SEPTIN8: variants seen among roughly 807,000 people sequenced by gnomAD.
The protein encoded by SEPTIN8 is septin 8.
SEPTIN8 carries 22 observed loss-of-function variants against 53.1 expected under a neutral mutation model. The observed-to-expected ratio is 0.41, with a 90% CI of 0.30 to 0.59. The LOEUF (loss-of-function observed/expected upper bound fraction) is 0.59. Among genes scored for constraint, SEPTIN8 ranks in the 20% least tolerant of loss-of-function variants. SEPTIN8 has a pLI of 0.24. For synonymous variants in SEPTIN8, 228 were observed against 248.4 expected, an observed-to-expected ratio of 0.92 and a Z score of 0.77; for missense variants, 536 against 638.7, an observed-to-expected ratio of 0.84 and a Z score of 1.73.
intron 5 of SEPTIN8, 31 bp downstream of exon 5, chr5:132,762,453 C>A (rs1311014795): frequency 6.2e-7 from 1 of 1,607,774 alleles, no homozygotes; most frequent in Admixed American, 1.7e-5. Context: ...CCTCTGGCCC[C>A]AGGGCCCTGA....
chr5:132,771,728 C>T lies in SEPTIN8; in HGVS notation c.30+5380G>A, dbSNP rs113027067. Among the ~76,000 whole-genome samples the T allele has an allele frequency of 3.3e-3, 508 of 152,280 alleles. 3 individuals carry two copies. Among genetic ancestry groups the T allele is most frequent in the Non-Finnish European group, 3.3e-3 (227 of 68,034 alleles). ...AGAGCAGAGGCCTCTAGCCAGAACCCGTGGTCGCGGTCATAAGCACAACTG... is the reference window on the plus strand; with the variant it reads ...AGAGCAGAGGCCTCTAGCCAGAACCTGTGGTCGCGGTCATAAGCACAACTG... On this transcript the variant is annotated intron_variant, in intron 1 of 9. Coordinates refer to ENST00000378719, the MANE Select transcript of SEPTIN8 (RefSeq NM_001098811.2).
intron 9 of SEPTIN8, chr5:132,757,439 T>C: frequency 1.0e-6 from 1 of 985,268 alleles, no homozygotes; most frequent in South Asian, 4.7e-5. Flanking sequence ...TGGAAATCAA[T>C]AATGCAAGCC....
chr5:132,763,867 C>G lies in SEPTIN8; in HGVS notation c.373G>C (p.Asp125His). 1 of 1,590,996 alleles carries G rather than the reference C, an allele frequency of 6.3e-7. No homozygotes were observed. The highest frequency in any genetic ancestry group is 2.2e-5 in the East Asian group (1 of 44,688). Residue 125 changes from aspartate to histidine, a missense_variant, in exon 4 of 10, where the codon GAT (aspartate) becomes CAT (histidine). By Grantham distance (81) the Asp-to-His change is moderately conservative. Around this residue, in one of 3 missense-constraint regions of SEPTIN8, gnomAD observed 395 missense variants for 451.8 expected, o/e 0.87. Coordinates refer to ENST00000378719, the MANE Select transcript of SEPTIN8 (RefSeq NM_001098811.2). Reference protein sequence around the residue: ...ESYRPIVDYIDAQFENYLQEE... With the variant: ...ESYRPIVDYIHAQFENYLQEE... ...TGCAGATAATTTTCAAACTGCGCAT[C>G]GATGTAGTCAACTATGGGCCTGTAA...
At chr5:132,777,867 G>A, upstream of SEPTIN8, 8 of 985,496 alleles carry the variant, frequency 8.1e-6, no homozygotes, top group South Asian at 4.7e-5. This position sits in a 1 kb window ranked among gnomAD's most constrained non-coding sequence, Gnocchi z 4.1. Context: ...CAACCAACGA[G>A]CAGGATGCGC....
rs750725957 is a variant in SEPTIN8 at position 132,752,030 on chromosome 5, C to T, written c.1438G>A (p.Glu480Lys). ...SCLVRDATWR[E>K]GFL ...GAGCTGCTGCCTCAGAGGAATCCTT[C>T]CCTCCACGTCGCATCCCTGACCAGG... The change falls in exon 10 of 10, where the codon GAA becomes AAA. Residue 480 changes from glutamate (E) to lysine (K), a missense_variant. By Grantham distance (56) the Glu-to-Lys change is moderately conservative. Coordinates refer to ENST00000378719, the MANE Select transcript of SEPTIN8 (RefSeq NM_001098811.2). 3.1e-6 allele frequency: 5 copies of T among 1,611,836 alleles called. No individual in the cohort carries two copies. The Admixed American group carries it at 8.4e-5, about 27-fold the overall frequency.
chr5:132,772,020 C>G (rs896147864), intron 1 of SEPTIN8, among the ~76,000 whole-genome samples: 1 of 152,136 alleles, frequency 6.6e-6, no homozygotes, highest in Non-Finnish European at 1.5e-5. Context: ...AGAGAAGATT[C>G]AAGCAAGGAT....
chr5:132,763,836 T>C lies in SEPTIN8; in HGVS notation c.404A>G (p.Glu135Gly). The C allele has an allele frequency of 6.2e-6, 10 of 1,608,714 alleles. No homozygotes were observed. The highest frequency in any genetic ancestry group is 8.5e-6 in the Non-Finnish European group (10 of 1,177,204). Reference protein sequence around the residue: ...DAQFENYLQEELKIRRSLFDY... With the variant: ...DAQFENYLQEGLKIRRSLFDY... ...GAAGAGCGAGCGGCGGATCTTCAGC[T>C]CCTCCTGCAGATAATTTTCAAACTG... The change falls in exon 4 of 10, where the codon GAG becomes GGG. Residue 135 changes from glutamate to glycine, a missense_variant. Glu to Gly is a moderately conservative substitution (Grantham distance 98). Around this residue, in one of 3 missense-constraint regions of SEPTIN8, gnomAD observed 395 missense variants for 451.8 expected, o/e 0.87. Transcript: ENST00000378719.
At chr5:132,756,090 G>T (rs1015920921) in intron 9 of SEPTIN8, 3 of 985,396 alleles carry the variant, frequency 3.0e-6, no homozygotes, top group South Asian at 4.7e-5. Flanking sequence ...AGGAGTAAAT[G>T]AATTAACACG....
intron 4 of SEPTIN8, 48 bp downstream of exon 4, chr5:132,763,658 G>T: frequency 6.4e-7 from 1 of 1,558,352 alleles, no homozygotes; most frequent in Non-Finnish European, 8.8e-7. Flanking sequence ...ACATCGCATC[G>T]CAGCAGAAGA....
chr5:132,770,089 GTATATATATATGTATATATGTATATA>G (rs1757124022), intron 1 of SEPTIN8, among the ~76,000 whole-genome samples: 1 of 29,176 alleles, frequency 3.4e-5, no homozygotes, highest in Non-Finnish European at 5.1e-5. Flanking sequence ...ATGTATATAT[GTATATATATATGTATATATGTATATA>G]TATATATATG....
At position 132,760,962 on chromosome 5, in the gene SEPTIN8, C is replaced by A. The variant is rs374186022; in HGVS notation, c.1126G>T (p.Val376Phe). The change falls in exon 9 of 10, where the codon GTC becomes TTC. Residue 376 changes from valine to phenylalanine, a missense_variant. Around this residue, in one of 3 missense-constraint regions of SEPTIN8, gnomAD observed 133 missense variants for 157.4 expected, o/e 0.84. Coordinates refer to ENST00000378719, the MANE Select transcript of SEPTIN8 (RefSeq NM_001098811.2). This position sits in a 1 kb window ranked among gnomAD's most constrained non-coding sequence, Gnocchi z 5.2. ...LHEKFEHLKRVHQEEKRKVEE... is the reference protein window; with the variant it reads ...LHEKFEHLKRFHQEEKRKVEE... ...ACCTTGCGCTTCTCCTCCTGGTGGA[C>A]CCGCTTCAGGTGCTCAAACTTCTCA... 7 of 1,589,610 alleles carry A rather than the reference C, an allele frequency of 4.4e-6. No individual in the cohort carries two copies. In the East Asian group the frequency reaches 1.1e-4, roughly 25 times the overall value.
chr5:132,758,654 G>A (rs1444917239), intron 9 of SEPTIN8: 2 of 1,592,978 alleles, frequency 1.3e-6, no homozygotes, highest in Non-Finnish European at 1.7e-6. Flanking sequence ...GGGCAGCCTG[G>A]GGCCAGGGTC....
chr5:132,764,786 C>G (rs912380835), intron 2 of SEPTIN8, among the ~76,000 whole-genome samples: 3 of 152,172 alleles, frequency 2.0e-5, no homozygotes, highest in African/African-American at 7.2e-5. Flanking sequence ...CTCCTGGGAC[C>G]AGGGTGGTCA....
intron 9 of SEPTIN8, chr5:132,756,914 C>T (rs1022547514): frequency 5.1e-6 from 5 of 985,438 alleles, no homozygotes; most frequent in African/African-American, 1.7e-5. Context: ...CACCAGGCCT[C>T]ATCTTCATAA....
chr5:132,757,964 G>C (rs1755497702), intron 9 of SEPTIN8: 1 of 986,160 alleles, frequency 1.0e-6, no homozygotes, highest in Non-Finnish European at 1.2e-6. Flanking sequence ...ATTTGCTTGG[G>C]AGTCTTAATT....
At position 132,761,010 on chromosome 5, in the gene SEPTIN8, G is replaced by A. The variant is rs78379252; in HGVS notation, c.1096-18C>T. ...TCATGGAGCTGGCATCAGAAAGGGG[G>A]CAGAAGATGCGGGGAGCAAGAGGAG... On this transcript the variant is annotated intron_variant, in intron 8 of 9. Coordinates refer to ENST00000378719, the MANE Select transcript of SEPTIN8 (RefSeq NM_001098811.2). This position sits in a 1 kb window ranked among gnomAD's most constrained non-coding sequence, Gnocchi z 5.8. The A allele has an allele frequency of 2.3e-3, 3,659 of 1,583,338 alleles. 81 individuals carry two copies. In the African/African-American group the frequency reaches 0.044, roughly 19 times the overall value.
At chr5:132,758,696 A>G in intron 9 of SEPTIN8, 1 of 1,602,416 alleles carries the variant, frequency 6.2e-7, no homozygotes, top group Non-Finnish European at 8.5e-7. Context: ...TAAACACTGG[A>G]GTCTGTACCG....
Position 132,764,312 on chromosome 5 carries a change from T to C in SEPTIN8, c.259A>G (p.Thr87Ala). The C allele has an allele frequency of 6.2e-7, 1 of 1,614,098 alleles. No homozygotes were observed. The highest frequency in any genetic ancestry group is 1.1e-5 in the South Asian group (1 of 91,080). Residue 87 changes from threonine to alanine, a missense_variant, in exon 3 of 10, where the codon ACC becomes GCC. Coordinates refer to ENST00000378719, the MANE Select transcript of SEPTIN8 (RefSeq NM_001098811.2). ...ACGTTGCTCTCCTGGAGGTCATAGG[T>C]CTGGGGCCGCAGGCGCACGCATGCC... Reference protein sequence around the residue: ...HEACVRLRPQTYDLQESNVQL... With the variant: ...HEACVRLRPQAYDLQESNVQL...
At position 132,751,038 on chromosome 5, in the gene SEPTIN8, T is replaced by C; in HGVS notation, c.*978A>G. 19 of 1,603,412 alleles carry C rather than the reference T, an allele frequency of 1.2e-5. No individual in the cohort carries two copies. The highest frequency in any genetic ancestry group is 1.5e-5 in the Non-Finnish European group (18 of 1,175,710). On this transcript the variant is annotated 3_prime_UTR_variant, in exon 10 of 10. Coordinates refer to ENST00000378719, the MANE Select transcript of SEPTIN8 (RefSeq NM_001098811.2). ...TTTACAGAGTCTACCCTAAACTCGT[T>C]TGTGCCTTTGGAACAGCTGTTTACA...
Sources: allele counts gnomAD v4.1 joint callset (sites outside exome capture counted in the v4.1 genomes callset), GRCh38; gene constraint gnomAD v4.1.1; regional missense constraint gnomAD v4.1.1; non-coding constraint Gnocchi (gnomAD v3.1); transcripts MANE v1.5; gene names NCBI Gene and HGNC (gene_info 2026-07-23, HGNC 2026-07-21).